The following OXNAD1 variants were observed in gnomAD, a reference collection of about 807,000 sequenced individuals.
The protein encoded by OXNAD1 is oxidoreductase NAD-binding domain-containing protein 1.
Under a neutral mutation model 32.9 loss-of-function variants are expected in OXNAD1, and 34 were observed. The ratio of observed to expected loss-of-function variants is 1.03; its 90% CI spans 0.79 to 1.38. The LOEUF (loss-of-function observed/expected upper bound fraction) is 1.38, where lower values mean the gene tolerates loss of function less well. Ranked by LOEUF, OXNAD1 falls within the 40% of genes most tolerant of loss-of-function variation. OXNAD1 has a pLI of 0.00. For missense variants in OXNAD1, 407 were observed against 379.4 expected, an observed-to-expected ratio of 1.07 and a Z score of -0.60; for synonymous variants, 134 against 135.2, an observed-to-expected ratio of 0.99 and a Z score of 0.06.
At chr3:16,315,210 G>A (rs1473549159) in intron 9 of OXNAD1, among the ~76,000 whole-genome samples, 1 of 152,162 alleles carries the variant, frequency 6.6e-6, no homozygotes, top group South Asian at 2.1e-4. Flanking sequence ...CTGCCTCCCA[G>A]GTTCAAGCAA....
chr3:16,296,114 G>A (rs2066772779), intron 6 of OXNAD1, among the ~76,000 whole-genome samples: 1 of 152,182 alleles, frequency 6.6e-6, no homozygotes, highest in Non-Finnish European at 1.5e-5. Context: ...ACGCAGCAAG[G>A]TTCAGTTAGG....
rs690241 is a variant in OXNAD1 at position 16,317,077 on chromosome 3, T to C, written c.*30+13485T>C. The C allele has an allele frequency of 0.56, 905,772 of 1,613,254 alleles. 256,054 individuals are homozygous for C. Among genetic ancestry groups the C allele is most frequent in the African/African-American group, 0.71 (52,803 of 74,706 alleles). ...AGACTCCACCCTCCTGCTGCTGTCC[T>C]GAAACACAGTTTCCCATGTCTCCAG... On this transcript the variant is annotated intron_variant, in intron 9 of 9. Transcript: ENST00000435829. This position sits in a 1 kb window ranked among gnomAD's most constrained non-coding sequence, Gnocchi z 4.3.
chr3:16,277,034 C>T lies in OXNAD1; in HGVS notation c.183+5312C>T, dbSNP rs2065389409. Among the ~76,000 whole-genome samples, 1 of 151,884 alleles carries T rather than the reference C, an allele frequency of 6.6e-6. No individual in the cohort carries two copies. The highest frequency in any genetic ancestry group is 2.4e-5 in the African/African-American group (1 of 41,342). ...CTGCCTCCCGGGTTCAAGTGACTCT[C>T]CTGCCTCAGCCTCCCCAGTAGCTGG... On this transcript the variant is annotated intron_variant, in intron 4 of 8. Transcript: ENST00000285083. This position sits in a 1 kb window ranked among gnomAD's most constrained non-coding sequence, Gnocchi z 4.3.
chr3:16,268,859 T>G (rs2064738519), intron 1 of OXNAD1, among the ~76,000 whole-genome samples: 1 of 152,196 alleles, frequency 6.6e-6, no homozygotes, highest in South Asian at 2.1e-4. Context: ...TAGCCTTTGG[T>G]CTGCTGTTTC....
Position 16,323,782 on chromosome 3 carries a change from G to A in OXNAD1, c.*31-13330G>A, listed in dbSNP as rs372070302. ...GCTTCAGTGGATCTCAAAGGGGCAG[G>A]GGCCTTTTCCAAATCTGTCTCTGGT... On this transcript the variant is annotated intron_variant, in intron 9 of 9. Transcript: ENST00000435829. Among the ~76,000 whole-genome samples the A allele has an allele frequency of 1.1e-3, 162 of 152,316 alleles. 2 individuals are homozygous for A. Among genetic ancestry groups the A allele is most frequent in the African/African-American group, 3.6e-3 (150 of 41,574 alleles).
chr3:16,296,279 CA>C (rs76159844), intron 6 of OXNAD1, among the ~76,000 whole-genome samples: 47,557 of 151,406 alleles, frequency 0.31, 8,268 homozygotes, highest in Non-Finnish European at 0.38. Flanking sequence ...GCAAATAGTC[CA>C]AAAAAAAGCA....
Position 16,271,151 on chromosome 3 carries a change from C to A in OXNAD1, c.119+80C>A. 1 of 1,505,664 alleles carries A rather than the reference C, an allele frequency of 6.6e-7. No individual in the cohort carries two copies. Among genetic ancestry groups the A allele is most frequent in the South Asian group, 1.2e-5 (1 of 82,676 alleles). The allele number at this position is 1,505,664 out of a possible 1,614,324, so 93.3% of individuals were successfully genotyped here. ...CTGCTGATGGTTGTGGGAGGCATAT[C>A]AAACTCCCGGAAAGGTAACACCTTA... On this transcript the variant is annotated intron_variant, in intron 3 of 8. Coordinates refer to ENST00000285083, the MANE Select transcript of OXNAD1 (RefSeq NM_138381.5). This position sits in a 1 kb window ranked among gnomAD's most constrained non-coding sequence, Gnocchi z 4.6.
At chr3:16,339,083 G>T (rs1459028331), downstream of OXNAD1, among the ~76,000 whole-genome samples, 1 of 152,210 alleles carries the variant, frequency 6.6e-6, no homozygotes, top group Admixed American at 6.5e-5. Context: ...AACACACCAT[G>T]TGCTGGGCTG....
chr3:16,291,117 G>A (rs2066402831), intron 5 of OXNAD1, among the ~76,000 whole-genome samples: 1 of 152,168 alleles, frequency 6.6e-6, no homozygotes, highest in African/African-American at 2.4e-5. Context: ...CTAGACTACA[G>A]GATGTGGTTA....
chr3:16,324,035 C>T (rs892415098), intron 9 of OXNAD1, among the ~76,000 whole-genome samples: 1 of 152,194 alleles, frequency 6.6e-6, no homozygotes, highest in African/African-American at 2.4e-5. Flanking sequence ...ACAGTGAATT[C>T]TCTCTTCCCA....
rs1395107932 is a variant in OXNAD1 at position 16,317,534 on chromosome 3, C to G, written c.*30+13942C>G. ...CAAAGGCCCACATAGGAAAGGGCTC[C>G]TAAAGTCCTATCATTTGGAGGGCCA... On this transcript the variant is annotated intron_variant, in intron 9 of 9. Coordinates refer to the OXNAD1 transcript ENST00000435829. The surrounding 1 kb of genome is among the most constrained non-coding windows in gnomAD (Gnocchi z 4.3). Among the ~76,000 whole-genome samples, 2 of 152,156 alleles carry G rather than the reference C, an allele frequency of 1.3e-5. No individual in the cohort carries two copies. The highest frequency in any genetic ancestry group is 4.8e-5 in the African/African-American group (2 of 41,424).
chr3:16,331,129 T>C (rs2070265211), intron 9 of OXNAD1, among the ~76,000 whole-genome samples: 1 of 152,256 alleles, frequency 6.6e-6, no homozygotes, highest in South Asian at 2.1e-4. Context: ...AGTTTGCCTC[T>C]ATTCCTGACA....
chr3:16,338,266 T>A (rs982478514), downstream of OXNAD1, among the ~76,000 whole-genome samples: 8 of 152,152 alleles, frequency 5.3e-5, no homozygotes, highest in African/African-American at 1.9e-4. This position sits in a 1 kb window ranked among gnomAD's most constrained non-coding sequence, Gnocchi z 5.3. Flanking sequence ...ATGAGCAGAA[T>A]GAGAACCAGG....
rs1194730442 is a variant in OXNAD1, at chr3:16,284,558, T to A, written c.184-1784T>A. Among the ~76,000 whole-genome samples, 1 of 152,234 alleles carries A rather than the reference T, an allele frequency of 6.6e-6. No individual in the cohort carries two copies. Among genetic ancestry groups the A allele is most frequent in the South Asian group, 2.1e-4 (1 of 4,832 alleles). Reference sequence around the variant, plus strand: ...ATAGAAAAATAGTAAAAATCTGGTATTATGGGATCACCTTGTATATGTGCT... The same window carrying A: ...ATAGAAAAATAGTAAAAATCTGGTAATATGGGATCACCTTGTATATGTGCT... On this transcript the variant is annotated intron_variant, in intron 4 of 8. Transcript: ENST00000285083. The surrounding 1 kb of genome is among the most constrained non-coding windows in gnomAD (Gnocchi z 4.1).
At chr3:16,300,533 A>G (rs1175122512) in intron 6 of OXNAD1, among the ~76,000 whole-genome samples, 1 of 152,244 alleles carries the variant, frequency 6.6e-6, no homozygotes, top group Non-Finnish European at 1.5e-5. Flanking sequence ...AAAATGAGCT[A>G]GAGTCTAGTC....
chr3:16,315,863 T>C (rs1455187716), intron 9 of OXNAD1: 1 of 152,218 alleles, frequency 6.6e-6, no homozygotes, highest in East Asian at 1.9e-4. Flanking sequence ...CACTAACTCA[T>C]AGATGATTTA....
Position 16,267,054 on chromosome 3 carries a change from A to G in OXNAD1, c.-159+1549A>G, listed in dbSNP as rs78829641. Among the ~76,000 whole-genome samples, 1,679 of 152,334 alleles carry G rather than the reference A, an allele frequency of 0.011. 69 individuals are homozygous for G. The East Asian group carries it at 0.12, about 11-fold the overall frequency. ...CTAAGATTCTAAATTGACAGATGTC[A>G]TGATTGTTCTTTGAACTTACTTAAT... On this transcript the variant is annotated intron_variant, in intron 1 of 8. Transcript: ENST00000285083.
intron 4 of OXNAD1, among the ~76,000 whole-genome samples, chr3:16,273,389 T>G (rs1224819317): frequency 2.0e-5 from 3 of 148,120 alleles, no homozygotes; most frequent in East Asian, 2.0e-4. Context: ...TTCTTGTTTT[T>G]TTTTTTTTTT....
Position 16,290,636 on chromosome 3 carries a change from A to G in OXNAD1, c.290+4188A>G, listed in dbSNP as rs1032014461. On this transcript the variant is annotated intron_variant, in intron 5 of 8. Coordinates refer to ENST00000285083, the MANE Select transcript of OXNAD1 (RefSeq NM_138381.5). The surrounding 1 kb of genome is among the most constrained non-coding windows in gnomAD (Gnocchi z 4.2). Reference sequence around the variant, plus strand: ...AACTGTGTTAACAAATGCTAACGATAGTCTTTTAAATTTTTATCTTGTCAG... The same window carrying G: ...AACTGTGTTAACAAATGCTAACGATGGTCTTTTAAATTTTTATCTTGTCAG... Among the ~76,000 whole-genome samples, 4 of 152,248 alleles carry G rather than the reference A, an allele frequency of 2.6e-5. No homozygotes were observed. Among genetic ancestry groups the G allele is most frequent in the Non-Finnish European group, 5.9e-5 (4 of 68,042 alleles).
Sources: allele counts gnomAD v4.1 joint callset (sites outside exome capture counted in the v4.1 genomes callset), GRCh38; gene constraint gnomAD v4.1.1; non-coding constraint Gnocchi (gnomAD v3.1); transcripts MANE v1.5; gene names NCBI Gene and HGNC (gene_info 2026-07-23, HGNC 2026-07-21).